Variants in SLC4A4 observed in about 807,000 individuals in gnomAD.
SLC4A4 encodes electrogenic sodium bicarbonate cotransporter 1.
A neutral mutation model predicts 111.5 loss-of-function variants in SLC4A4; 27 were observed. The ratio of observed to expected loss-of-function variants is 0.24; its 90% CI spans 0.18 to 0.33. SLC4A4 has a LOEUF of 0.33. Among genes scored for constraint, SLC4A4 ranks in the 10% least tolerant of loss-of-function variants. SLC4A4 has a pLI of 1.00. For synonymous variants in SLC4A4, 443 were observed against 463.4 expected (o/e 0.96, Z 0.57); for missense variants, 909 against 1,315.5 (o/e 0.69, Z 4.78).
At chr4:71,325,893 A>G (rs1046839934) in intron 3 of SLC4A4, among the ~76,000 whole-genome samples, 1 of 151,688 alleles carries the variant, frequency 6.6e-6, no homozygotes. Flanking sequence ...GTTTGTGTGT[A>G]TGTGTGTGTG....
At chr4:71,370,882 A>G (rs1446751451) in intron 6 of SLC4A4, among the ~76,000 whole-genome samples, 3 of 152,340 alleles carry the variant, frequency 2.0e-5, no homozygotes, top group Non-Finnish European at 2.9e-5. Flanking sequence ...TTGGAAATCA[A>G]CTTGAGACCA....
At chr4:71,189,980 G>A (rs909855208) in intron 1 of SLC4A4, among the ~76,000 whole-genome samples, 1 of 152,158 alleles carries the variant, frequency 6.6e-6, no homozygotes, top group African/African-American at 2.4e-5. Context: ...GACAAAGGAA[G>A]CTATAAGCAG....
At chr4:71,543,697 C>A (rs1735268603) in intron 18 of SLC4A4, among the ~76,000 whole-genome samples, 1 of 152,018 alleles carries the variant, frequency 6.6e-6, no homozygotes, top group African/African-American at 2.4e-5. Context: ...TGGCTAGTGT[C>A]CACATCCTTA....
chr4:71,144,949 TG>T (rs1309403645), intron 2 of SLC4A4, among the ~76,000 whole-genome samples: 11 of 152,100 alleles, frequency 7.2e-5, no homozygotes, highest in Non-Finnish European at 1.6e-4. Context: ...TTCCTTCTCC[TG>T]CCTGATTGCC....
At chr4:71,182,464 T>A (rs1298830489), upstream of SLC4A4, among the ~76,000 whole-genome samples, 2 of 152,078 alleles carry the variant, frequency 1.3e-5, no homozygotes, top group Admixed American at 1.3e-4. Context: ...AGCAGACCAG[T>A]GGGATGTGAA....
rs781070175 is a variant in SLC4A4 at position 71,532,090 on chromosome 4, T to C, written c.2195T>C (p.Ile732Thr). The change falls in exon 17 of 26, where the codon ATT becomes ACT. Residue 732 changes from isoleucine to threonine, a missense_variant. Physicochemically the swap from Ile to Thr is moderately conservative, Grantham distance 89. Transcript: ENST00000264485. ...TARKLISDFA[I>T]ILSILIFCVI... The stretch of plus-strand genomic sequence containing the variant: ...AGAAAACTGATCAGTGATTTTGCCA[T>C]TATCTTGTCCATTCTCATCTTTTGT... 2.8e-5 allele frequency: 45 copies of C among 1,612,898 alleles called. No homozygotes were observed. The highest frequency in any genetic ancestry group is 2.9e-5 in the Non-Finnish European group (34 of 1,179,102).
At chr4:71,268,603 G>A (rs1208857674) in intron 3 of SLC4A4, among the ~76,000 whole-genome samples, 3 of 152,172 alleles carry the variant, frequency 2.0e-5, no homozygotes, top group African/African-American at 4.8e-5. Context: ...GTACAACAGA[G>A]TATTTTTGTT....
At chr4:71,162,349 C>T (rs1744637298) in intron 2 of SLC4A4, among the ~76,000 whole-genome samples, 1 of 152,200 alleles carries the variant, frequency 6.6e-6, no homozygotes, top group South Asian at 2.1e-4. Context: ...CATGCCCTTT[C>T]TGTTGTGCTC....
rs1051649573 is a variant in SLC4A4 at position 71,301,020 on chromosome 4, C to T, written c.254-38350C>T. ...TGGGGGCCCCCTACAGCCATGCTTGCCAGCCCACTAGAAGGGAGAAGGTGC... is the reference window on the plus strand; with the variant it reads ...TGGGGGCCCCCTACAGCCATGCTTGTCAGCCCACTAGAAGGGAGAAGGTGC... On this transcript the variant is annotated intron_variant, in intron 3 of 25. Transcript: ENST00000264485. The T allele has an allele frequency of 5.0e-5, 22 of 440,870 alleles. 1 individual carries two copies. The highest frequency in any genetic ancestry group is 6.9e-4 in the Middle Eastern group (2 of 2,880). 27.3% of individuals were successfully genotyped at this position (440,870 alleles called of 1,614,324 possible).
intron 1 of SLC4A4, among the ~76,000 whole-genome samples, chr4:71,231,221 T>C (rs896696675): frequency 1.6e-4 from 24 of 152,200 alleles, no homozygotes; most frequent in Non-Finnish European, 3.5e-4. Flanking sequence ...GCTGGCGGCC[T>C]GCCACGTGCT....
chr4:71,279,933 T>C (rs2149090415), intron 3 of SLC4A4, among the ~76,000 whole-genome samples: 1 of 152,238 alleles, frequency 6.6e-6, no homozygotes, highest in African/African-American at 2.4e-5. Context: ...GTAGCTGGGA[T>C]TACAGGCACC....
intron 7 of SLC4A4, among the ~76,000 whole-genome samples, chr4:71,412,321 G>A (rs1721428748): frequency 6.6e-6 from 1 of 152,132 alleles, no homozygotes; most frequent in Non-Finnish European, 1.5e-5. Flanking sequence ...TGAGATGCCT[G>A]GGCACTAACC....
At chr4:71,380,135 C>G (rs1378250982) in intron 6 of SLC4A4, among the ~76,000 whole-genome samples, 1 of 152,196 alleles carries the variant, frequency 6.6e-6, no homozygotes, top group Non-Finnish European at 1.5e-5. Context: ...GGAAGCTCTG[C>G]TGCTTTTCTG....
chr4:71,557,975 G>A, intron 22 of SLC4A4, 90 bp downstream of exon 22: 1 of 1,211,662 alleles, frequency 8.3e-7, no homozygotes, highest in Non-Finnish European at 1.2e-6. Flanking sequence ...TCTTTTATGT[G>A]TTGTTCCAAA....
intron 10 of SLC4A4, among the ~76,000 whole-genome samples, chr4:71,450,987 C>A (rs970494417): frequency 6.6e-6 from 1 of 152,196 alleles, no homozygotes; most frequent in Admixed American, 6.5e-5. Context: ...ACAGTTCATT[C>A]AACTTTCCTA....
intron 3 of SLC4A4, among the ~76,000 whole-genome samples, chr4:71,308,181 G>A (rs563916578): frequency 6.6e-6 from 1 of 152,136 alleles, no homozygotes; most frequent in East Asian, 1.9e-4. Flanking sequence ...GGCTTCCGAA[G>A]TGCTTTGAGA....
intron 2 of SLC4A4, among the ~76,000 whole-genome samples, chr4:71,120,761 G>A (rs1057226101): frequency 7.9e-5 from 12 of 152,320 alleles, no homozygotes; most frequent in Admixed American, 2.6e-4. Context: ...CCAGTGAGAG[G>A]TGACAGCATG....
At position 71,568,164 on chromosome 4, in the gene SLC4A4, A is replaced by T; in HGVS notation, c.*413A>T. ...TCTGTCACTCAAGACACAGACACGC[A>T]CAGACCCTGTCCTTTGCCTCTATTA... On this transcript the variant is annotated 3_prime_UTR_variant, in exon 26 of 26. Transcript: ENST00000264485. 1 of 321,348 alleles carries T rather than the reference A, an allele frequency of 3.1e-6. No individual in the cohort carries two copies. The highest frequency in any genetic ancestry group is 5.7e-6 in the Non-Finnish European group (1 of 175,498). 19.9% of individuals were successfully genotyped at this position (321,348 alleles called of 1,614,324 possible).
intron 20 of SLC4A4, 67 bp downstream of exon 20, chr4:71,547,787 T>G: frequency 7.6e-7 from 1 of 1,318,670 alleles, no homozygotes; most frequent in Non-Finnish European, 1.1e-6. Context: ...ATGTGAAGAG[T>G]GAAATTCCTC....
Sources: gnomAD v4.1 joint callset for allele counts (sites outside exome capture counted in the v4.1 genomes callset) on GRCh38, gnomAD v4.1.1 for gene constraint, MANE v1.5 for transcripts, NCBI Gene and HGNC (gene_info 2026-07-23, HGNC 2026-07-21) for gene names.